GAS6: variants seen among roughly 807,000 people sequenced by gnomAD.
GAS6 encodes growth arrest specific 6.
GAS6 carries 41 observed loss-of-function variants against 75.8 expected under a neutral mutation model. The ratio of observed to expected loss-of-function variants is 0.54; its 90% CI spans 0.42 to 0.70. The LOEUF is 0.70. Ranked by LOEUF, GAS6 falls within the 30% of genes least tolerant of loss-of-function variation. The pLI, the probability that GAS6 is intolerant of heterozygous loss-of-function variation, is 0.00. For missense variants in GAS6, 854 were observed against 940.2 expected (o/e 0.91, Z 1.20); for synonymous variants, 432 against 412.6 (o/e 1.05, Z -0.57).
At chr13:113,862,425 C>T (rs2051979169) in intron 2 of GAS6, among the ~76,000 whole-genome samples, 1 of 152,250 alleles carries the variant, frequency 6.6e-6, no homozygotes, top group Non-Finnish European at 1.5e-5. Context: ...GACCAGGGCA[C>T]ACAGGCCCAC....
At chr13:113,847,459 C>T (rs1038843191) in intron 3 of GAS6, among the ~76,000 whole-genome samples, 5 of 152,006 alleles carry the variant, frequency 3.3e-5, no homozygotes, top group East Asian at 1.9e-4. Context: ...CGGGCTGACC[C>T]GGGGTCTCTG....
Position 113,837,914 on chromosome 13 carries a change from G to C in GAS6, c.589+155C>G, listed in dbSNP as rs2051733990. 6.6e-6 allele frequency among the ~76,000 whole-genome samples: 1 copy of C among 152,176 alleles called. No individual in the cohort carries two copies. The highest frequency in any genetic ancestry group is 2.4e-5 in the African/African-American group (1 of 41,440). ...GTGCCGAGCAGCTCCCTGTGCTGCG[G>C]CTGGCCTGGGCTTGTGTAGTCTCTG... On this transcript the variant is annotated intron_variant, in intron 6 of 14. Coordinates refer to ENST00000327773, the MANE Select transcript of GAS6 (RefSeq NM_000820.4). This position sits in a 1 kb window ranked among gnomAD's most constrained non-coding sequence, Gnocchi z 5.1.
chr13:113,841,374 T>C (rs2138647219), intron 4 of GAS6: 1 of 152,898 alleles, frequency 6.5e-6, no homozygotes, highest in South Asian at 2.1e-4. Flanking sequence ...CCAACCACAC[T>C]GGCTTCTTTC....
Position 113,837,056 on chromosome 13 carries a change from C to G in GAS6, c.589+1013G>C, listed in dbSNP as rs1373517729. ...GGGAGATGCTTTAGACGTCATCTCT[C>G]AGGATCGGCCTAGTCTTCACCTCTC... On this transcript the variant is annotated intron_variant, in intron 6 of 14. Coordinates refer to ENST00000327773, the MANE Select transcript of GAS6 (RefSeq NM_000820.4). The surrounding 1 kb of genome is among the most constrained non-coding windows in gnomAD (Gnocchi z 5.1). Among the ~76,000 whole-genome samples the G allele has an allele frequency of 6.6e-6, 1 of 151,816 alleles. No individual in the cohort carries two copies. Among genetic ancestry groups the G allele is most frequent in the Non-Finnish European group, 1.5e-5 (1 of 67,944 alleles).
chr13:113,828,941 C>G (rs113866056), intron 10 of GAS6, among the ~76,000 whole-genome samples: 1 of 124,434 alleles, frequency 8.0e-6, no homozygotes, highest in African/African-American at 3.8e-5. Context: ...TCCCCTGAGC[C>G]AAGAGGGTCC....
intron 4 of GAS6, 36 bp downstream of exon 4, chr13:113,846,491 A>C (rs778868251): frequency 1.2e-6 from 2 of 1,600,212 alleles, no homozygotes; most frequent in South Asian, 2.2e-5. Flanking sequence ...CCAAACCCAC[A>C]GTGCTCCCAG....
intron 14 of GAS6, 112 bp downstream of exon 14, chr13:113,821,846 T>C: frequency 1.2e-6 from 1 of 808,158 alleles, no homozygotes; most frequent in Non-Finnish European, 1.9e-6. Flanking sequence ...ACACAAGTCC[T>C]CTTCCGCATT....
intron 8 of GAS6, chr13:113,833,320 C>A: frequency 1.0e-6 from 1 of 1,001,080 alleles, no homozygotes; most frequent in Non-Finnish European, 1.2e-6. Flanking sequence ...CATGAGGCAG[C>A]GAGGCAAAGA....
chr13:113,822,864 A>G (rs2051479173), intron 13 of GAS6: 1 of 153,860 alleles, frequency 6.5e-6, no homozygotes. Context: ...GGAAAACAGC[A>G]TGAGTCCCCC....
chr13:113,826,577 G>A (rs190459208), intron 12 of GAS6, among the ~76,000 whole-genome samples: 368 of 29,358 alleles, frequency 0.013, 36 homozygotes, highest in African/African-American at 0.11. Flanking sequence ...GCCTCCCGGC[G>A]CTGGCCTCGC....
At chr13:113,826,700 C>CTCGGCT (rs1432852926) in intron 12 of GAS6, among the ~76,000 whole-genome samples, 1 of 141,026 alleles carries the variant, frequency 7.1e-6, no homozygotes, top group Admixed American at 6.9e-5. Flanking sequence ...TGGCGCCGGC[C>CTCGGCT]TCGCAGGCAC....
In GAS6 at chr13:113,863,525, G is replaced by GGC; in HGVS notation, c.255+48_255+49dup. 1 of 1,473,918 alleles carries GGC rather than the reference G, an allele frequency of 6.8e-7. No homozygotes were observed. Among genetic ancestry groups the GGC allele is most frequent in the South Asian group, 1.3e-5 (1 of 77,762 alleles). The allele number at this position is 1,473,918 out of a possible 1,614,324, so 91.3% of individuals were successfully genotyped here. On this transcript the variant is annotated intron_variant, in intron 2 of 14. Coordinates refer to ENST00000327773, the MANE Select transcript of GAS6 (RefSeq NM_000820.4). The surrounding 1 kb of genome is among the most constrained non-coding windows in gnomAD (Gnocchi z 9.4). ...GCGCTGCCTCTCGGGAGCGGTTGGA[G>GGC]GCGCGCGGGCGCCAGGGGTTCCCCC...
chr13:113,826,363 C>T (rs900822013), intron 12 of GAS6, among the ~76,000 whole-genome samples: 2 of 152,226 alleles, frequency 1.3e-5, no homozygotes, highest in African/African-American at 2.4e-5. Context: ...GCAAAGGACC[C>T]TGTAAGGCTC....
intron 2 of GAS6, among the ~76,000 whole-genome samples, chr13:113,861,310 G>T (rs1272228413): frequency 1.3e-5 from 2 of 152,190 alleles, no homozygotes; most frequent in African/African-American, 4.8e-5. Flanking sequence ...ATGGCAGGGG[G>T]CTGGGACCAC....
chr13:113,857,636 C>T (rs1208839898), intron 2 of GAS6, among the ~76,000 whole-genome samples: 1 of 152,210 alleles, frequency 6.6e-6, no homozygotes, highest in East Asian at 1.9e-4. Flanking sequence ...GCTCAGCATG[C>T]CCCAGCTAGC....
chr13:113,837,028 C>T lies in GAS6; in HGVS notation c.589+1041G>A, dbSNP rs1191377205. On this transcript the variant is annotated intron_variant, in intron 6 of 14. Coordinates refer to ENST00000327773, the MANE Select transcript of GAS6 (RefSeq NM_000820.4). This position sits in a 1 kb window ranked among gnomAD's most constrained non-coding sequence, Gnocchi z 5.1. ...GGAGTGCCCGACTGGTGCAGGGACCCACGGGAGATGCTTTAGACGTCATCT... is the reference window on the plus strand; with the variant it reads ...GGAGTGCCCGACTGGTGCAGGGACCTACGGGAGATGCTTTAGACGTCATCT... Among the ~76,000 whole-genome samples the T allele has an allele frequency of 1.3e-5, 2 of 151,600 alleles. No individual in the cohort carries two copies. Among genetic ancestry groups the T allele is most frequent in the Non-Finnish European group, 2.9e-5 (2 of 67,868 alleles).
chr13:113,823,137 C>T, intron 13 of GAS6: 1 of 464,008 alleles, frequency 2.2e-6, no homozygotes, highest in Non-Finnish European at 3.8e-6. Context: ...ACACTGTGAG[C>T]CGAGTGTGGC....
At chr13:113,839,662 G>A in intron 5 of GAS6, 66 bp downstream of exon 5, 2 of 1,582,480 alleles carry the variant, frequency 1.3e-6, no homozygotes, top group South Asian at 2.3e-5. Flanking sequence ...GTGGGAGTGA[G>A]GAGCGGGGAT....
chr13:113,856,910 G>T (rs540270559), intron 2 of GAS6, among the ~76,000 whole-genome samples: 5 of 152,310 alleles, frequency 3.3e-5, no homozygotes, highest in African/African-American at 1.2e-4. Context: ...TTACTGTACT[G>T]TGGACAGTTG....
Sources: gnomAD v4.1 joint callset for allele counts (sites outside exome capture counted in the v4.1 genomes callset) on GRCh38, gnomAD v4.1.1 for gene constraint, Gnocchi (gnomAD v3.1) non-coding constraint, MANE v1.5 for transcripts, NCBI Gene and HGNC (gene_info 2026-07-23, HGNC 2026-07-21) for gene names.